The following DPP10 variants were observed in gnomAD, a reference collection of about 807,000 sequenced individuals.
The protein encoded by DPP10 is dipeptidyl peptidase like 10, also known as inactive dipeptidyl peptidase 10.
In DPP10, 33 loss-of-function variants were observed where a neutral mutation model predicts 120.9. That is an observed-to-expected ratio of 0.27 (90% CI 0.21 to 0.37). The LOEUF is 0.37. Ranked by LOEUF, DPP10 falls within the 10% of genes least tolerant of loss-of-function variation. The probability of loss-of-function intolerance (pLI) is 1.00; values close to 1 mark genes in which losing one functional copy is unlikely to be tolerated. For synonymous variants in DPP10, 337 were observed against 326.1 expected (o/e 1.03, Z -0.36); for missense variants, 816 against 942.8 (o/e 0.87, Z 1.76).
At chr2:115,805,810 G>T (rs1259450010) in intron 19 of DPP10, among the ~76,000 whole-genome samples, 1 of 152,054 alleles carries the variant, frequency 6.6e-6, no homozygotes, top group East Asian at 2.0e-4. Context: ...CCTGACCTCA[G>T]GTGGTCCGCC....
At chr2:114,486,072 T>C (rs1430127717) in intron 1 of DPP10, among the ~76,000 whole-genome samples, 5 of 152,162 alleles carry the variant, frequency 3.3e-5, no homozygotes, top group African/African-American at 1.2e-4. Flanking sequence ...AGGTTAGGCA[T>C]AGAAGGAACA....
At chr2:115,054,834 C>T (rs1705776900) in intron 1 of DPP10, among the ~76,000 whole-genome samples, 1 of 152,018 alleles carries the variant, frequency 6.6e-6, no homozygotes, top group Admixed American at 6.6e-5. Flanking sequence ...ATTGCTTGAC[C>T]CTGGGAGATG....
At chr2:115,089,153 CA>C (rs1316944616) in intron 1 of DPP10, among the ~76,000 whole-genome samples, 2 of 152,120 alleles carry the variant, frequency 1.3e-5, no homozygotes, top group African/African-American at 4.8e-5. Flanking sequence ...ATCCATTTCT[CA>C]GTTCATTCTC....
At chr2:115,264,206 C>A (rs1219950103) in intron 1 of DPP10, among the ~76,000 whole-genome samples, 1 of 152,080 alleles carries the variant, frequency 6.6e-6, no homozygotes, top group East Asian at 1.9e-4. Context: ...TTTATTAAAA[C>A]TTCAATTAGT....
At chr2:115,634,837 G>A (rs574522311) in intron 5 of DPP10, among the ~76,000 whole-genome samples, 8 of 152,294 alleles carry the variant, frequency 5.3e-5, no homozygotes, top group Non-Finnish European at 8.8e-5. Flanking sequence ...ACTGATTTGC[G>A]AAGACTGCGG....
chr2:115,400,812 T>A (rs2068020316), intron 3 of DPP10, among the ~76,000 whole-genome samples: 1 of 152,190 alleles, frequency 6.6e-6, no homozygotes. Context: ...GTCGCTGCCA[T>A]CTTCACTCCC....
chr2:114,505,449 T>A (rs1030357042), intron 1 of DPP10, among the ~76,000 whole-genome samples: 2 of 151,934 alleles, frequency 1.3e-5, no homozygotes, highest in African/African-American at 4.8e-5. Flanking sequence ...CTTTCTCAAA[T>A]GAAATTTATG....
At position 115,026,774 on chromosome 2, in the gene DPP10, C is replaced by A. The variant is rs192580850; in HGVS notation, c.61-282465C>A. 9.2e-5 allele frequency among the ~76,000 whole-genome samples: 14 copies of A among 152,212 alleles called. 1 individual carries two copies. The East Asian group carries it at 2.1e-3, about 23-fold the overall frequency. On this transcript the variant is annotated intron_variant, in intron 1 of 25. Coordinates refer to ENST00000410059, the MANE Select transcript of DPP10 (RefSeq NM_020868.6). ...CTGCTCTCAAACTCCTGGCCCCATGCAATCTTCCCACCTCTGCCTCCCAAA... is the reference window on the plus strand; with the variant it reads ...CTGCTCTCAAACTCCTGGCCCCATGAAATCTTCCCACCTCTGCCTCCCAAA...
chr2:114,929,110 T>A (rs1473491671), intron 1 of DPP10, among the ~76,000 whole-genome samples: 2 of 151,996 alleles, frequency 1.3e-5, no homozygotes, highest in African/African-American at 4.8e-5. Context: ...AACCAGCAAG[T>A]TTTTATTAGG....
chr2:114,885,090 T>C (rs2106616919), intron 1 of DPP10, among the ~76,000 whole-genome samples: 1 of 152,288 alleles, frequency 6.6e-6, no homozygotes. Context: ...TCCAAAGAAA[T>C]ACTTGAGACC....
At chr2:115,045,223 ACTTTAAATATGACATGCCATTCT>A (rs1704969646) in intron 1 of DPP10, among the ~76,000 whole-genome samples, 2 of 152,244 alleles carry the variant, frequency 1.3e-5, no homozygotes, top group South Asian at 4.1e-4. Context: ...TTCTTTCAGC[ACTTTAAATATGACATGCCATTCT>A]CTCCTGGACT....
chr2:115,574,227 T>G (rs879260744), intron 5 of DPP10, among the ~76,000 whole-genome samples: 1 of 152,210 alleles, frequency 6.6e-6, no homozygotes, highest in Non-Finnish European at 1.5e-5. Flanking sequence ...CCTCTCAGTA[T>G]AGTCATATCT....
chr2:115,206,118 C>T (rs1182166398), intron 1 of DPP10, among the ~76,000 whole-genome samples: 2 of 152,164 alleles, frequency 1.3e-5, no homozygotes, highest in African/African-American at 4.8e-5. Context: ...ATGTTTTATA[C>T]ACACATATAC....
At chr2:115,809,930 G>A (rs1025784636) in intron 19 of DPP10, among the ~76,000 whole-genome samples, 12 of 152,278 alleles carry the variant, frequency 7.9e-5, no homozygotes, top group South Asian at 2.1e-4. Flanking sequence ...TTGGGAGGCC[G>A]AGGCAGGCGG....
chr2:115,096,646 A>T (rs1309461800), intron 1 of DPP10, among the ~76,000 whole-genome samples: 1 of 152,188 alleles, frequency 6.6e-6, no homozygotes, highest in Non-Finnish European at 1.5e-5. Flanking sequence ...TGATGGGCTT[A>T]TCAGGAGAGA....
At chr2:115,474,599 T>C (rs1277988282) in intron 3 of DPP10, among the ~76,000 whole-genome samples, 1 of 152,050 alleles carries the variant, frequency 6.6e-6, no homozygotes, top group Non-Finnish European at 1.5e-5. Context: ...TGATTCAAGA[T>C]GTGGCCAGGC....
Position 115,673,745 on chromosome 2 carries a change from A to T in DPP10, c.442-15942A>T, listed in dbSNP as rs111480857. Among the ~76,000 whole-genome samples, 192 of 152,292 alleles carry T rather than the reference A, an allele frequency of 1.3e-3. 2 individuals carry two copies. The highest frequency in any genetic ancestry group is 3.4e-3 in the Middle Eastern group (1 of 294). On this transcript the variant is annotated intron_variant, in intron 5 of 25. Transcript: ENST00000410059. The stretch of plus-strand genomic sequence containing the variant: ...ACTCATATTTTGGGTTCTGACTGTG[A>T]TATAGCACTGGGAGGAGATTGTAAA...
At chr2:114,590,901 A>G (rs1362826187) in intron 1 of DPP10, among the ~76,000 whole-genome samples, 1 of 152,220 alleles carries the variant, frequency 6.6e-6, no homozygotes, top group African/African-American at 2.4e-5. Context: ...GAAATTCACT[A>G]AAATGTAAGG....
chr2:115,315,117 C>G (rs931799793), intron 2 of DPP10, among the ~76,000 whole-genome samples: 1 of 151,922 alleles, frequency 6.6e-6, no homozygotes, highest in Non-Finnish European at 1.5e-5. Flanking sequence ...GGATTCATCT[C>G]CTAGCCTTAC....
Sources: gnomAD v4.1 joint callset for allele counts (sites outside exome capture counted in the v4.1 genomes callset) on GRCh38, gnomAD v4.1.1 for gene constraint, MANE v1.5 for transcripts, NCBI Gene and HGNC (gene_info 2026-07-23, HGNC 2026-07-21) for gene names.